The following ZC3H6 variants were observed in gnomAD, a reference collection of about 807,000 sequenced individuals.
ZC3H6 encodes the protein zinc finger CCCH-type containing 6.
A neutral mutation model predicts 107.7 loss-of-function variants in ZC3H6; 40 were observed. The ratio of observed to expected loss-of-function variants is 0.37; its 90% confidence interval spans 0.29 to 0.48. ZC3H6 has a LOEUF of 0.48. Ranked by LOEUF, ZC3H6 falls within the 20% of genes least tolerant of loss-of-function variation. The probability of loss-of-function intolerance (pLI) is 0.98; values close to 1 mark genes in which losing one functional copy is unlikely to be tolerated. For missense variants in ZC3H6, 1,267 were observed against 1,410.4 expected (o/e 0.90, Z 1.63); for synonymous variants, 493 against 487.9 (o/e 1.01, Z -0.14).
At chr2:112,290,111 A>T (rs945708992) in intron 1 of ZC3H6, among the ~76,000 whole-genome samples, 2 of 150,468 alleles carry the variant, frequency 1.3e-5, no homozygotes, top group African/African-American at 2.4e-5. Context: ...CTATTCAATT[A>T]AAAAAAAAAC....
rs537612762 is a variant in ZC3H6 at position 112,316,395 on chromosome 2, G to T, written c.748-75G>T. The T allele has an allele frequency of 7.8e-6, 7 of 894,776 alleles. No homozygotes were observed. In the African/African-American group the frequency reaches 8.6e-5, roughly 11 times the overall value. 55.4% of individuals were successfully genotyped at this position (894,776 alleles called of 1,614,324 possible). On this transcript the variant is annotated intron_variant, in intron 5 of 11. Transcript: ENST00000409871. ...TGTAGTCAATTTGTACTTTTTTCCA[G>T]ATCAACTTAATCATACATTTTGATA... is the stretch of plus-strand genomic sequence containing the variant.
In ZC3H6 at chr2:112,332,236, T is replaced by C. The variant is rs1381415258; in HGVS notation, c.3318T>C (p.Thr1106=). 3 of 1,613,906 alleles carry C rather than the reference T, an allele frequency of 1.9e-6. No homozygotes were observed. Among genetic ancestry groups the C allele is most frequent in the Non-Finnish European group, 2.5e-6 (3 of 1,179,876 alleles). Residue 1106 remains threonine (T), a synonymous_variant, in exon 12 of 12, where the codon ACT becomes ACC. Coordinates refer to ENST00000409871, the MANE Select transcript of ZC3H6 (RefSeq NM_198581.3). ...AACCCAGTCCAAACGTGGGAGTCACTCTTGAGGGGCCAGCTGACCCACAGG... is the reference window on the plus strand; with the variant it reads ...AACCCAGTCCAAACGTGGGAGTCACCCTTGAGGGGCCAGCTGACCCACAGG... ...PQKPSPNVGV[T]LEGPADPQAD... is the part of the protein sequence containing the mutation.
intron 3 of ZC3H6, among the ~76,000 whole-genome samples, chr2:112,308,964 ATTGT>A (rs1676543321): frequency 6.6e-6 from 1 of 151,970 alleles, no homozygotes; most frequent in African/African-American, 2.4e-5. Flanking sequence ...AGGCAGGAGA[ATTGT>A]TTGAACCCAA....
At chr2:112,287,841 A>C (rs1686635620) in intron 1 of ZC3H6, among the ~76,000 whole-genome samples, 1 of 152,380 alleles carries the variant, frequency 6.6e-6, no homozygotes, top group South Asian at 2.1e-4. Context: ...TGACCTCGTG[A>C]TCCGCCTGCC....
chr2:112,310,092 A>G lies in ZC3H6; in HGVS notation c.544A>G (p.Asn182Asp), dbSNP rs753283101. 3.1e-6 allele frequency: 5 copies of G among 1,613,632 alleles called. No individual in the cohort carries two copies. Among genetic ancestry groups the G allele is most frequent in the Non-Finnish European group, 3.4e-6 (4 of 1,179,728 alleles). Residue 182 changes from asparagine to aspartate, a missense_variant, in exon 4 of 12, where the codon AAT becomes GAT. Transcript: ENST00000409871. ...KQYRQAKETS[N>D]IALGSSFSKE... is the part of the protein sequence containing the mutation. ...ATACAGGCAAGCTAAAGAAACCTCA[A>G]ATATTGCTTTAGGGTCATCATTTTC...
chr2:112,287,188 G>A (rs1349236408), intron 1 of ZC3H6, among the ~76,000 whole-genome samples: 7 of 152,102 alleles, frequency 4.6e-5, no homozygotes, highest in Non-Finnish European at 8.8e-5. Flanking sequence ...AGGGAATTTT[G>A]TTTTCTGAGA....
intron 1 of ZC3H6, among the ~76,000 whole-genome samples, chr2:112,293,606 T>C (rs1676160563): frequency 6.6e-6 from 1 of 152,218 alleles, no homozygotes; most frequent in Non-Finnish European, 1.5e-5. Flanking sequence ...CTGGTGGATC[T>C]TCCATGGCCC....
At chr2:112,305,544 A>C (rs1376365782) in intron 3 of ZC3H6, among the ~76,000 whole-genome samples, 2 of 152,208 alleles carry the variant, frequency 1.3e-5, no homozygotes, top group Non-Finnish European at 1.5e-5. Flanking sequence ...TTTGCTTCAA[A>C]AAAATCAGTT....
At chr2:112,290,951 A>ATTG (rs1676101347) in intron 1 of ZC3H6, among the ~76,000 whole-genome samples, 1 of 93,784 alleles carries the variant, frequency 1.1e-5, no homozygotes, top group African/African-American at 8.0e-5. Flanking sequence ...ATCAGGTAAT[A>ATTG]TCATCAGGAC....
intron 1 of ZC3H6, among the ~76,000 whole-genome samples, 164 bp downstream of exon 1, chr2:112,276,190 G>A (rs1433741220): frequency 2.0e-5 from 3 of 147,774 alleles, no homozygotes; most frequent in East Asian, 2.0e-4. Flanking sequence ...TCGCGGCCGC[G>A]GGGGAGGTCG....
intron 1 of ZC3H6, among the ~76,000 whole-genome samples, chr2:112,291,684 A>T (rs1190193624): frequency 1.3e-5 from 2 of 152,080 alleles, no homozygotes; most frequent in Non-Finnish European, 2.9e-5. Flanking sequence ...TGAAGAAGAA[A>T]ATAAAGCTTA....
At chr2:112,327,551 C>T (rs570286657) in intron 11 of ZC3H6, among the ~76,000 whole-genome samples, 56 of 152,246 alleles carry the variant, frequency 3.7e-4, no homozygotes, top group Admixed American at 2.4e-3. Context: ...TGGTTGCCTA[C>T]GCTTGTGAGG....
chr2:112,328,676 C>A (rs1301548998), intron 11 of ZC3H6, among the ~76,000 whole-genome samples: 1 of 152,226 alleles, frequency 6.6e-6, no homozygotes, highest in African/African-American at 2.4e-5. Flanking sequence ...CGCAGTGGCT[C>A]ACGCCTGTAA....
Position 112,316,599 on chromosome 2 carries a change from A to G in ZC3H6, c.864+13A>G. 1.4e-6 allele frequency: 2 copies of G among 1,473,062 alleles called. No individual in the cohort carries two copies. The highest frequency in any genetic ancestry group is 1.9e-6 in the Non-Finnish European group (2 of 1,079,560). 91.2% of individuals were successfully genotyped at this position (1,473,062 alleles called of 1,614,324 possible). On this transcript the variant is annotated intron_variant, in intron 6 of 11. Transcript: ENST00000409871. ...GAGGTGTATTAAGGTAAATTTATAG[A>G]GGTATCATAAGTCATTTTAACTTCC...
rs1321457777 is a variant in ZC3H6, at chr2:112,338,571, AAG to A, written c.*6084_*6085del. On this transcript the variant is annotated 3_prime_UTR_variant, in exon 12 of 12. Coordinates refer to ENST00000409871, the MANE Select transcript of ZC3H6 (RefSeq NM_198581.3). ...TTTAAGCTTAGAGTTTATAAGAAAA[AAG>A]TGAATATATAGCTAATTATAGCATT... The A allele has an allele frequency of 6.6e-6, 1 of 151,996 alleles. No homozygotes were observed. 9.4% of individuals were successfully genotyped at this position (151,996 alleles called of 1,614,324 possible).
At chr2:112,325,227 C>A (rs1049915354) in intron 11 of ZC3H6, 30 bp downstream of exon 11, 5 of 1,598,160 alleles carry the variant, frequency 3.1e-6, no homozygotes, top group Non-Finnish European at 4.3e-6. Context: ...TAGCATCTTA[C>A]CTATTTGGAT....
At position 112,321,875 on chromosome 2, in the gene ZC3H6, A is replaced by G. The variant is rs1434906692; in HGVS notation, c.1086+10A>G. The G allele has an allele frequency of 7.6e-7, 1 of 1,310,150 alleles. No homozygotes were observed. Among genetic ancestry groups the G allele is most frequent in the South Asian group, 1.5e-5 (1 of 67,796 alleles). 81.2% of individuals were successfully genotyped at this position (1,310,150 alleles called of 1,614,324 possible). Reference sequence around the variant, plus strand: ...GAAACTTTTGGACAAAGTGAGTAATATTTTTGTACCTTGATTATGTCTCTC... The same window carrying G: ...GAAACTTTTGGACAAAGTGAGTAATGTTTTTGTACCTTGATTATGTCTCTC... On this transcript the variant is annotated intron_variant, in intron 8 of 11. Transcript: ENST00000409871.
At position 112,325,128 on chromosome 2, in the gene ZC3H6, A is replaced by C. The variant is rs757348809; in HGVS notation, c.2017A>C (p.Thr673Pro). 2 of 1,614,014 alleles carry C rather than the reference A, an allele frequency of 1.2e-6. No homozygotes were observed. Among genetic ancestry groups the C allele is most frequent in the Non-Finnish European group, 1.7e-6 (2 of 1,179,892 alleles). Residue 673 changes from threonine to proline, a missense_variant, in exon 11 of 12, where the codon ACT becomes CCT. Thr to Pro is a conservative substitution (Grantham distance 38). This residue lies in a region of ZC3H6 where 925 missense variants were observed against 1,025.7 expected (regional missense o/e 0.90). Transcript: ENST00000409871. ...AVQRALFVRL[T>P]QRYQEDEEQT... ...GCAAAGAGCTCTTTTTGTAAGACTT[A>C]CTCAGAGATACCAAGAAGATGAAGA... is the stretch of plus-strand genomic sequence containing the variant.
Position 112,316,788 on chromosome 2 carries a change from C to T in ZC3H6, c.864+202C>T, listed in dbSNP as rs545570734. On this transcript the variant is annotated intron_variant, in intron 6 of 11. Coordinates refer to ENST00000409871, the MANE Select transcript of ZC3H6 (RefSeq NM_198581.3). ...GGACAATAACATAATTTGTTGAAAT[C>T]GGATTTGTTTAAAAGACACATAATG... is the stretch of plus-strand genomic sequence containing the variant. 2.1e-4 allele frequency among the ~76,000 whole-genome samples: 32 copies of T among 152,184 alleles called. No individual in the cohort carries two copies. In the South Asian group the frequency reaches 3.9e-3, roughly 19 times the overall value.
Sources: gnomAD v4.1 joint callset for allele counts (sites outside exome capture counted in the v4.1 genomes callset) on GRCh38, gnomAD v4.1.1 for gene constraint, gnomAD v4.1.1 regional missense constraint, MANE v1.5 for transcripts, NCBI Gene and HGNC (gene_info 2026-07-23, HGNC 2026-07-21) for gene names.